PHACTR3: variants seen among roughly 807,000 people sequenced by gnomAD.
The protein encoded by PHACTR3 is protein phosphatase 1, regulatory subunit 123.
Under a neutral mutation model 66.8 loss-of-function variants are expected in PHACTR3, and 16 were observed. That is an observed-to-expected ratio of 0.24 (90% confidence interval 0.16 to 0.36). The LOEUF (loss-of-function observed/expected upper bound fraction) is 0.36, where lower values mean the gene tolerates loss of function less well. PHACTR3 is among the 10% of genes least tolerant of loss of function. PHACTR3 has a pLI of 1.00. For synonymous variants in PHACTR3, 323 were observed against 292.1 expected, an observed-to-expected ratio of 1.11 and a Z score of -1.08; for missense variants, 647 against 719.9, an observed-to-expected ratio of 0.90 and a Z score of 1.16.
chr20:59,833,343 C>A (rs902143692), intron 8 of PHACTR3, among the ~76,000 whole-genome samples: 1 of 152,232 alleles, frequency 6.6e-6, no homozygotes, highest in Non-Finnish European at 1.5e-5. Context: ...TCCACGCTTT[C>A]CTGAGGTGTA....
At chr20:59,800,094 C>T (rs1048133462) in intron 7 of PHACTR3, among the ~76,000 whole-genome samples, 1 of 152,156 alleles carries the variant, frequency 6.6e-6, no homozygotes, top group Admixed American at 6.5e-5. Context: ...TACTTCTGTT[C>T]TCCTTTCCCA....
At chr20:59,659,539 CT>C (rs1477063542) in intron 1 of PHACTR3, among the ~76,000 whole-genome samples, 1 of 151,762 alleles carries the variant, frequency 6.6e-6, no homozygotes, top group Non-Finnish European at 1.5e-5. Flanking sequence ...TGCCCAGCTA[CT>C]TTTTGTATTT....
intron 1 of PHACTR3, among the ~76,000 whole-genome samples, chr20:59,580,430 C>A (rs977157564): frequency 1.3e-5 from 2 of 152,154 alleles, no homozygotes; most frequent in African/African-American, 4.8e-5. Flanking sequence ...TTAACTCTCA[C>A]CCTTAAAGGG....
intron 5 of PHACTR3, among the ~76,000 whole-genome samples, chr20:59,769,923 T>C (rs532970038): frequency 6.6e-6 from 1 of 152,388 alleles, no homozygotes; most frequent in Non-Finnish European, 1.5e-5. Flanking sequence ...TTATTGTCTT[T>C]GTGATAGCTC....
chr20:59,718,901 C>T (rs959759141), intron 1 of PHACTR3, among the ~76,000 whole-genome samples: 1 of 152,238 alleles, frequency 6.6e-6, no homozygotes, highest in Non-Finnish European at 1.5e-5. Context: ...TACGCATGGG[C>T]GTGTTGTCAC....
At chr20:59,586,074 C>T (rs997914998) in intron 1 of PHACTR3, among the ~76,000 whole-genome samples, 3 of 152,296 alleles carry the variant, frequency 2.0e-5, no homozygotes, top group South Asian at 2.1e-4. Flanking sequence ...CCTATGTGTT[C>T]GTGCTGTCAC....
intron 1 of PHACTR3, among the ~76,000 whole-genome samples, chr20:59,687,789 C>T (rs1480176439): frequency 6.6e-6 from 1 of 151,980 alleles, no homozygotes; most frequent in Non-Finnish European, 1.5e-5. Flanking sequence ...CAGATGGGCA[C>T]CGTAGCAGGA....
chr20:59,670,612 G>GGT lies in PHACTR3; in HGVS notation c.118+65481_118+65482insTG, dbSNP rs1568692736. Among the ~76,000 whole-genome samples the GGT allele has an allele frequency of 1.6e-3, 219 of 135,554 alleles. 4 individuals carry two copies. The highest frequency in any genetic ancestry group is 5.4e-3 in the African/African-American group (209 of 38,512). The allele number at this position is 135,554 out of a possible 152,430, so 88.9% of individuals were successfully genotyped here. A position where few individuals can be genotyped will look rare whatever the true frequency, so the allele number is the denominator to read the frequency against. Reference sequence around the variant, plus strand: ...ACAGGCATCTGCCGGGGGTGGGGGGGGGGGGCAGGCACTTTTACTGTTTCC... The same window carrying GGT: ...ACAGGCATCTGCCGGGGGTGGGGGGGGTGGGGGCAGGCACTTTTACTGTTTCC... On this transcript the variant is annotated intron_variant, in intron 1 of 12. Coordinates refer to ENST00000371015, the MANE Select transcript of PHACTR3 (RefSeq NM_080672.5).
At chr20:59,635,899 G>T (rs2034886087) in intron 1 of PHACTR3, among the ~76,000 whole-genome samples, 1 of 152,198 alleles carries the variant, frequency 6.6e-6, no homozygotes. Context: ...ACTGTTTTAA[G>T]CTGCTCAGTG....
intron 4 of PHACTR3, among the ~76,000 whole-genome samples, chr20:59,766,879 C>G (rs768047414): frequency 1.2e-4 from 19 of 152,210 alleles, no homozygotes; most frequent in Non-Finnish European, 1.9e-4. Context: ...GTGTGTCTGA[C>G]TCCAAAACCT....
intron 7 of PHACTR3, among the ~76,000 whole-genome samples, chr20:59,789,183 A>G (rs1442780595): frequency 6.6e-6 from 1 of 152,176 alleles, no homozygotes; most frequent in Non-Finnish European, 1.5e-5. Flanking sequence ...TGGGGGAGGC[A>G]TCTTCCTGCA....
At chr20:59,845,739 T>C (rs1292545722) in intron 12 of PHACTR3, among the ~76,000 whole-genome samples, 2 of 152,128 alleles carry the variant, frequency 1.3e-5, no homozygotes, top group Non-Finnish European at 2.9e-5. Flanking sequence ...CCTCAGTAAA[T>C]ATTTGAGTAA....
intron 1 of PHACTR3, among the ~76,000 whole-genome samples, chr20:59,687,213 G>A (rs990264077): frequency 7.3e-5 from 11 of 150,690 alleles, no homozygotes; most frequent in African/African-American, 2.7e-4. Context: ...TGGCAGTGAT[G>A]GTGATGATGA....
At chr20:59,778,061 G>A (rs1323375600) in intron 7 of PHACTR3, among the ~76,000 whole-genome samples, 1 of 152,154 alleles carries the variant, frequency 6.6e-6, no homozygotes, top group Non-Finnish European at 1.5e-5. Context: ...GGATGACCCT[G>A]AAGTCCTCTC....
In PHACTR3 at chr20:59,841,513, C is replaced by T. The variant is rs368695747; in HGVS notation, c.1565C>T (p.Thr522Met). Residue 522 changes from threonine to methionine, a missense_variant, in exon 11 of 13, where the codon ACG becomes ATG. This residue lies in a region of PHACTR3 where 70 missense variants were observed against 148.8 expected (regional missense o/e 0.47). Transcript: ENST00000371015. ...DYDRRADKPW[T>M]RLSAADKAAI... The stretch of plus-strand genomic sequence containing the variant: ...GACAGGAGGGCAGACAAACCCTGGA[C>T]GAGACTGTCAGCAGCAGATAAGGTA... 27 of 1,613,150 alleles carry T rather than the reference C, an allele frequency of 1.7e-5. No homozygotes were observed. Among genetic ancestry groups the T allele is most frequent in the South Asian group, 1.6e-4 (15 of 90,976 alleles).
At chr20:59,617,158 C>T (rs2034055392) in intron 1 of PHACTR3, among the ~76,000 whole-genome samples, 1 of 152,070 alleles carries the variant, frequency 6.6e-6, no homozygotes, top group Non-Finnish European at 1.5e-5. Flanking sequence ...GAGCTATGCT[C>T]ATAGTAGGTG....
intron 1 of PHACTR3, among the ~76,000 whole-genome samples, chr20:59,685,759 G>A (rs1260157367): frequency 6.6e-6 from 1 of 152,194 alleles, no homozygotes; most frequent in Non-Finnish European, 1.5e-5. Flanking sequence ...CACTTGCTGA[G>A]AGCAGCCCTC....
chr20:59,659,797 C>T (rs1180424587), intron 1 of PHACTR3, among the ~76,000 whole-genome samples: 1 of 152,120 alleles, frequency 6.6e-6, no homozygotes, highest in Non-Finnish European at 1.5e-5. Flanking sequence ...TTTCTTTGTA[C>T]TTTATATCTG....
At chr20:59,584,012 G>A (rs578068946) in intron 1 of PHACTR3, among the ~76,000 whole-genome samples, 69 of 152,310 alleles carry the variant, frequency 4.5e-4, no homozygotes, top group Middle Eastern at 3.4e-3. Context: ...CGGTGGGCTC[G>A]CTATGGAAGG....
Sources: allele counts gnomAD v4.1 joint callset (sites outside exome capture counted in the v4.1 genomes callset), GRCh38; gene constraint gnomAD v4.1.1; regional missense constraint gnomAD v4.1.1; transcripts MANE v1.5; gene names NCBI Gene and HGNC (gene_info 2026-07-23, HGNC 2026-07-21).